Variants in SKAP1 observed in about 807,000 individuals in gnomAD.
The protein encoded by SKAP1 is src kinase associated phosphoprotein 1.
A neutral mutation model predicts 58.5 loss-of-function variants in SKAP1; 44 were observed. The ratio of observed to expected loss-of-function variants is 0.75; its 90% confidence interval spans 0.59 to 0.97. SKAP1 has a LOEUF of 0.97. Ranked by LOEUF, SKAP1 falls within the 50% of genes least tolerant of loss-of-function variation. The pLI, the probability that SKAP1 is intolerant of heterozygous loss-of-function variation, is 0.00. For missense variants in SKAP1, 390 were observed against 435.2 expected (o/e 0.90, Z 0.92); for synonymous variants, 127 against 149.7 (o/e 0.85, Z 1.11).
chr17:48,326,535 G>T (rs2066439155), intron 4 of SKAP1, among the ~76,000 whole-genome samples: 1 of 152,174 alleles, frequency 6.6e-6, no homozygotes, highest in Non-Finnish European at 1.5e-5. Context: ...GTGAAGAAGT[G>T]ATTTCGTTTT....
intron 4 of SKAP1, among the ~76,000 whole-genome samples, chr17:48,195,552 A>G (rs914790521): frequency 6.6e-6 from 1 of 152,250 alleles, no homozygotes; most frequent in African/African-American, 2.4e-5. Flanking sequence ...AAAGCACTCA[A>G]ACAGATGGCT....
intron 4 of SKAP1, among the ~76,000 whole-genome samples, chr17:48,250,298 T>TGAGA (rs2065348147): frequency 2.7e-5 from 3 of 110,616 alleles, no homozygotes; most frequent in East Asian, 2.4e-4. Flanking sequence ...TTTTTTTTTT[T>TGAGA]TGAGATGGAG....
intron 4 of SKAP1, among the ~76,000 whole-genome samples, chr17:48,293,922 C>T (rs571206606): frequency 2.7e-4 from 41 of 152,132 alleles, no homozygotes; most frequent in African/African-American, 8.0e-4. Context: ...GTTAGAAGTG[C>T]GGGAAGGAGG....
At chr17:48,181,352 TAC>T (rs2143459993) in intron 8 of SKAP1, among the ~76,000 whole-genome samples, 1 of 152,338 alleles carries the variant, frequency 6.6e-6, no homozygotes, top group Admixed American at 6.5e-5. Context: ...TATTGAGGTT[TAC>T]ACACTTAGGG....
At chr17:48,346,580 C>T (rs529989738) in intron 3 of SKAP1, among the ~76,000 whole-genome samples, 1 of 151,782 alleles carries the variant, frequency 6.6e-6, no homozygotes, top group East Asian at 1.9e-4. Flanking sequence ...GCCAAGATTG[C>T]ACCATTGCAC....
chr17:48,374,794 A>T (rs1335974782), intron 2 of SKAP1, among the ~76,000 whole-genome samples: 1 of 152,232 alleles, frequency 6.6e-6, no homozygotes, highest in African/African-American at 2.4e-5. Flanking sequence ...GCAAAGAGTA[A>T]CATGGCCAGT....
intron 11 of SKAP1, among the ~76,000 whole-genome samples, chr17:48,147,611 A>G (rs934149684): frequency 6.6e-6 from 1 of 152,200 alleles, no homozygotes; most frequent in African/African-American, 2.4e-5. Context: ...GAGATTTTCC[A>G]GAAGGAGAAA....
intron 4 of SKAP1, among the ~76,000 whole-genome samples, chr17:48,261,315 A>G (rs2924251): frequency 0.68 from 103,792 of 152,010 alleles, 35,480 homozygotes; most frequent in South Asian, 0.76. Flanking sequence ...CATGCCTGTG[A>G]CTCACTCTGA....
chr17:48,236,520 GTTAC>G (rs2065183069), intron 4 of SKAP1, among the ~76,000 whole-genome samples: 1 of 152,062 alleles, frequency 6.6e-6, no homozygotes, highest in African/African-American at 2.4e-5. Context: ...ATCATATTAG[GTTAC>G]TTAATCACTT....
chr17:48,417,115 C>T (rs1667772814), intron 1 of SKAP1, among the ~76,000 whole-genome samples: 1 of 152,108 alleles, frequency 6.6e-6, no homozygotes, highest in Non-Finnish European at 1.5e-5. Context: ...AAAATCAAAC[C>T]TTATACCTAC....
chr17:48,179,278 G>A (rs757485738), intron 9 of SKAP1, among the ~76,000 whole-genome samples: 7 of 152,140 alleles, frequency 4.6e-5, no homozygotes, highest in Admixed American at 6.5e-5. Context: ...GAAGATTAGC[G>A]TTCCTGTGGT....
intron 11 of SKAP1, among the ~76,000 whole-genome samples, chr17:48,155,117 G>A (rs1244532886): frequency 6.6e-6 from 1 of 151,370 alleles, no homozygotes; most frequent in African/African-American, 2.4e-5. Flanking sequence ...TGATGATGAT[G>A]ATGATGATGA....
At chr17:48,318,873 C>A (rs557914437) in intron 4 of SKAP1, among the ~76,000 whole-genome samples, 1 of 152,158 alleles carries the variant, frequency 6.6e-6, no homozygotes, top group South Asian at 2.1e-4. Context: ...CAGGGAAAAA[C>A]AATATTTGCT....
chr17:48,355,624 C>T (rs954445271), intron 3 of SKAP1, among the ~76,000 whole-genome samples: 4 of 152,180 alleles, frequency 2.6e-5, no homozygotes, highest in Non-Finnish European at 5.9e-5. Context: ...GCCAGGAGTA[C>T]GAGACCAGCC....
At chr17:48,428,289 ATTG>A (rs2067875143) in intron 1 of SKAP1, among the ~76,000 whole-genome samples, 1 of 152,200 alleles carries the variant, frequency 6.6e-6, no homozygotes, top group African/African-American at 2.4e-5. Context: ...ACCAACAGAG[ATTG>A]TTAAGATACA....
intron 4 of SKAP1, among the ~76,000 whole-genome samples, chr17:48,341,171 G>A (rs563063037): frequency 3.9e-5 from 6 of 152,064 alleles, no homozygotes; most frequent in Admixed American, 6.5e-5. Flanking sequence ...GTAAACACTC[G>A]ATAAATGGTT....
rs531702867 is a variant in SKAP1 at position 48,421,496 on chromosome 17, G to T, written c.46+8579C>A. 4.9e-4 allele frequency among the ~76,000 whole-genome samples: 74 copies of T among 151,936 alleles called. 1 individual carries two copies. The highest frequency in any genetic ancestry group is 1.3e-3 in the Admixed American group (20 of 15,272). ...TTTTTTGTATTTTTAGTAGAGACGG[G>T]GTTTCACCATCTTGGCCAGGCTGGT... On this transcript the variant is annotated intron_variant, in intron 1 of 12. Coordinates refer to ENST00000336915, the MANE Select transcript of SKAP1 (RefSeq NM_003726.4).
upstream of SKAP1, among the ~76,000 whole-genome samples, chr17:48,434,969 CT>C (rs1353693078): frequency 6.6e-6 from 1 of 152,066 alleles, no homozygotes; most frequent in African/African-American, 2.4e-5. Flanking sequence ...AGTGAGACCC[CT>C]GTCTCTACAA....
At chr17:48,263,002 G>C (rs1283897522) in intron 4 of SKAP1, among the ~76,000 whole-genome samples, 1 of 152,150 alleles carries the variant, frequency 6.6e-6, no homozygotes, top group Non-Finnish European at 1.5e-5. Context: ...AGTATTTCAT[G>C]TGCATTTTTT....
Sources: gnomAD v4.1 joint callset for allele counts (sites outside exome capture counted in the v4.1 genomes callset) on GRCh38, gnomAD v4.1.1 for gene constraint, MANE v1.5 for transcripts, NCBI Gene and HGNC (gene_info 2026-07-23, HGNC 2026-07-21) for gene names.